ZSCAN1: variants seen among roughly 807,000 people sequenced by gnomAD.
ZSCAN1 encodes the protein zinc finger and SCAN domain-containing protein 1.
Under a neutral mutation model 23.8 loss-of-function variants are expected in ZSCAN1, and 23 were observed. The ratio of observed to expected loss-of-function variants is 0.97; its 90% confidence interval spans 0.70 to 1.37. The LOEUF (loss-of-function observed/expected upper bound fraction) is 1.37. ZSCAN1 is among the 40% of genes most tolerant of loss of function. The probability of loss-of-function intolerance (pLI) is 0.00; values close to 1 mark genes in which losing one functional copy is unlikely to be tolerated. For synonymous variants in ZSCAN1, 236 were observed against 232.3 expected, an observed-to-expected ratio of 1.02 and a Z score of -0.15; for missense variants, 575 against 554.0, an observed-to-expected ratio of 1.04 and a Z score of -0.38.
chr19:58,046,388 C>G, intron 4 of ZSCAN1: 1 of 895,248 alleles, frequency 1.1e-6, no homozygotes, highest in Admixed American at 1.7e-5. Context: ...AAGAGATTGA[C>G]AAAAAGGGTG....
At chr19:58,051,759 G>T (rs1372001778) in intron 4 of ZSCAN1, among the ~76,000 whole-genome samples, 1 of 152,224 alleles carries the variant, frequency 6.6e-6, no homozygotes, top group Non-Finnish European at 1.5e-5. Context: ...CCGAGCCCTT[G>T]ATGGTACCAG....
Position 58,045,712 on chromosome 19 carries a change from G to C in ZSCAN1, c.465+5168G>C. ...GCTGCAGGCGGCATGTCGGGCACGAGGCATGCGGGCCCTGGGCGTCAGGGA... is the reference window on the plus strand; with the variant it reads ...GCTGCAGGCGGCATGTCGGGCACGACGCATGCGGGCCCTGGGCGTCAGGGA... On this transcript the variant is annotated intron_variant, in intron 4 of 5. Transcript: ENST00000282326. The surrounding 1 kb of genome is among the most constrained non-coding windows in gnomAD (Gnocchi z 4.3). The C allele has an allele frequency of 9.8e-7, 1 of 1,020,626 alleles. No individual in the cohort carries two copies. Among genetic ancestry groups the C allele is most frequent in the South Asian group, 1.3e-5 (1 of 78,264 alleles). The allele number at this position is 1,020,626 out of a possible 1,614,324, so 63.2% of individuals were successfully genotyped here.
In ZSCAN1 at chr19:58,044,546, G is replaced by T. The variant is rs536446420; in HGVS notation, c.465+4002G>T. The stretch of plus-strand genomic sequence containing the variant: ...CGCGGCCGCCGCGGAGAAGGAGGAG[G>T]AGCCAGCGCAGGAGGCCCGAGCGGC... On this transcript the variant is annotated intron_variant, in intron 4 of 5. Coordinates refer to ENST00000282326, the MANE Select transcript of ZSCAN1 (RefSeq NM_182572.4). 2.8e-3 allele frequency: 1,473 copies of T among 521,414 alleles called. 5 individuals carry two copies. Among genetic ancestry groups the T allele is most frequent in the Admixed American group, 4.3e-3 (109 of 25,428 alleles). The allele number at this position is 521,414 out of a possible 1,614,324, so 32.3% of individuals were successfully genotyped here.
At chr19:58,052,362 C>G (rs373431140) in intron 4 of ZSCAN1, 128 bp from the exon 5 acceptor site, 2 of 1,456,276 alleles carry the variant, frequency 1.4e-6, no homozygotes, top group African/African-American at 1.4e-5. Flanking sequence ...GAACAACAGG[C>G]GCGACACCGC....
chr19:58,038,355 T>A, intron 3 of ZSCAN1, 149 bp downstream of exon 3: 1 of 1,030,332 alleles, frequency 9.7e-7, no homozygotes, highest in Non-Finnish European at 1.4e-6. Context: ...GCTGTGTTTT[T>A]AATTATTTTT....
chr19:58,051,671 A>G (rs1266609687), intron 4 of ZSCAN1, among the ~76,000 whole-genome samples: 3 of 152,170 alleles, frequency 2.0e-5, no homozygotes, highest in Non-Finnish European at 2.9e-5. Context: ...GTTTGACTCA[A>G]CATACCTCCT....
intron 3 of ZSCAN1, among the ~76,000 whole-genome samples, chr19:58,038,698 T>A (rs1004746071): frequency 6.6e-6 from 1 of 152,242 alleles, no homozygotes; most frequent in Non-Finnish European, 1.5e-5. Context: ...GTCTCCTCTC[T>A]CAGCTCCCCT....
intron 3 of ZSCAN1, among the ~76,000 whole-genome samples, chr19:58,039,993 CA>C (rs1298794854): frequency 1.3e-5 from 2 of 152,146 alleles, no homozygotes; most frequent in East Asian, 3.9e-4. Flanking sequence ...CTCAGCCTCC[CA>C]AAGTGCTGGG....
chr19:58,047,699 C>T lies in ZSCAN1; in HGVS notation c.466-4791C>T, dbSNP rs2073834936. 6.6e-6 allele frequency among the ~76,000 whole-genome samples: 1 copy of T among 152,252 alleles called. No homozygotes were observed. The highest frequency in any genetic ancestry group is 1.5e-5 in the Non-Finnish European group (1 of 68,046). On this transcript the variant is annotated intron_variant, in intron 4 of 5. Coordinates refer to ENST00000282326, the MANE Select transcript of ZSCAN1 (RefSeq NM_182572.4). The surrounding 1 kb of genome is among the most constrained non-coding windows in gnomAD (Gnocchi z 4.9). ...CACCCACAGCAGCATACCCTTCTCA[C>T]CCCTTGTGGTGTTGCAGGCTCAGGC... is the stretch of plus-strand genomic sequence containing the variant.
At chr19:58,052,398 G>A (rs761066146) in intron 4 of ZSCAN1, 92 bp from the exon 5 acceptor site, 2 of 1,589,232 alleles carry the variant, frequency 1.3e-6, no homozygotes, top group Admixed American at 1.7e-5. Flanking sequence ...AGAGCCTTTG[G>A]GGATGACGCC....
intron 4 of ZSCAN1, chr19:58,046,820 G>T: frequency 1.4e-6 from 1 of 719,852 alleles, no homozygotes; most frequent in African/African-American, 1.7e-5. Flanking sequence ...CCCTGGTGAG[G>T]GCTGTGAGAG....
intron 4 of ZSCAN1, among the ~76,000 whole-genome samples, chr19:58,042,380 C>G (rs1039922619): frequency 6.6e-6 from 1 of 151,924 alleles, no homozygotes; most frequent in African/African-American, 2.4e-5. Context: ...GCCTCAGCCT[C>G]CGGAGTAGCT....
chr19:58,053,805 G>A lies in ZSCAN1; in HGVS notation c.981G>A (p.Lys327=). The change falls in exon 6 of 6, where the codon AAG becomes AAA. Residue 327 remains lysine (K), a synonymous_variant. Transcript: ENST00000282326. This position sits in a 1 kb window ranked among gnomAD's most constrained non-coding sequence, Gnocchi z 5.8. ...CCTTTCCGTGCCCCGAGTGTGGCAA[G>A]GTCTTCCTGCACAACTCCGTCCTCA... is the stretch of plus-strand genomic sequence containing the variant. The part of the protein sequence containing the change: ...EGPFPCPECG[K]VFLHNSVLTE... 6.2e-7 allele frequency: 1 copy of A among 1,614,116 alleles called. No individual in the cohort carries two copies. Among genetic ancestry groups the A allele is most frequent in the Non-Finnish European group, 8.5e-7 (1 of 1,180,026 alleles).
chr19:58,037,587 T>G, intron 2 of ZSCAN1, 141 bp from the exon 3 acceptor site: 5 of 399,026 alleles, frequency 1.3e-5, no homozygotes, highest in East Asian at 8.1e-5. Flanking sequence ...ATGTGGAAGA[T>G]TAGGTCAGAA....
downstream of ZSCAN1, among the ~76,000 whole-genome samples, chr19:58,056,401 C>T (rs1159337353): frequency 6.6e-6 from 1 of 152,250 alleles, no homozygotes; most frequent in African/African-American, 2.4e-5. Context: ...TGACCACACC[C>T]AGCATACAAC....
chr19:58,037,611 C>A, intron 2 of ZSCAN1, 117 bp from the exon 3 acceptor site: 1 of 472,758 alleles, frequency 2.1e-6, no homozygotes, highest in South Asian at 4.7e-5. Flanking sequence ...GGGAAGAGGT[C>A]AGGTTGGTTC....
At position 58,053,657 on chromosome 19, in the gene ZSCAN1, G is replaced by T; in HGVS notation, c.833G>T (p.Gly278Val). The part of the protein sequence containing the change: ...TKGGTQEAVA[G>V]ISVVPRGPRG... The stretch of plus-strand genomic sequence containing the variant: ...GGTGGTACCCAAGAGGCTGTTGCAG[G>T]CATCTCGGTAGTGCCGCGTGGGCCC... The change falls in exon 6 of 6, where the codon GGC becomes GTC. Residue 278 changes from glycine (G) to valine (V), a missense_variant. Gly to Val is a moderately radical substitution (Grantham distance 109). Coordinates refer to ENST00000282326, the MANE Select transcript of ZSCAN1 (RefSeq NM_182572.4). This position sits in a 1 kb window ranked among gnomAD's most constrained non-coding sequence, Gnocchi z 5.8. 1.2e-6 allele frequency: 2 copies of T among 1,614,188 alleles called. No individual in the cohort carries two copies. Among genetic ancestry groups the T allele is most frequent in the Non-Finnish European group, 8.5e-7 (1 of 1,180,040 alleles).
At chr19:58,035,200 TC>T (rs749160351) in intron 1 of ZSCAN1, among the ~76,000 whole-genome samples, 123 of 152,024 alleles carry the variant, frequency 8.1e-4, no homozygotes, top group Middle Eastern at 3.4e-3. Flanking sequence ...GGGGCCCAGA[TC>T]CTCCTCACCA....
chr19:58,037,211 A>G (rs543721376), intron 2 of ZSCAN1, among the ~76,000 whole-genome samples: 7 of 152,274 alleles, frequency 4.6e-5, no homozygotes, highest in African/African-American at 1.7e-4. Flanking sequence ...TTTAAAATTC[A>G]GTTCCTATTT....
Sources: allele counts gnomAD v4.1 joint callset (sites outside exome capture counted in the v4.1 genomes callset), GRCh38; gene constraint gnomAD v4.1.1; non-coding constraint Gnocchi (gnomAD v3.1); transcripts MANE v1.5; gene names NCBI Gene and HGNC (gene_info 2026-07-23, HGNC 2026-07-21).